The following SEMA5B variants were observed in gnomAD, a reference collection of about 807,000 sequenced individuals.
SEMA5B encodes the protein semaphorin-5B.
SEMA5B carries 66 observed loss-of-function variants against 135.0 expected under a neutral mutation model. The observed-to-expected ratio is 0.49, with a 90% CI of 0.40 to 0.60. The LOEUF (loss-of-function observed/expected upper bound fraction) is 0.60, where lower values mean the gene tolerates loss of function less well. SEMA5B is among the 20% of genes least tolerant of loss of function. The pLI is 0.00. For missense variants in SEMA5B, 1,501 were observed against 1,566.3 expected (o/e 0.96, Z 0.70); for synonymous variants, 690 against 639.5 (o/e 1.08, Z -1.19).
intron 1 of SEMA5B, among the ~76,000 whole-genome samples, chr3:123,002,852 C>T (rs1942214989): frequency 2.0e-5 from 3 of 152,152 alleles, no homozygotes; most frequent in South Asian, 4.1e-4. Flanking sequence ...CAAGTAAACA[C>T]ACAGTCCTTT....
intron 3 of SEMA5B, 41 bp downstream of exon 3, chr3:122,948,465 C>T (rs758785975): frequency 3.5e-5 from 54 of 1,529,982 alleles, no homozygotes; most frequent in Admixed American, 1.9e-4. Context: ...CTTCAGGACA[C>T]GGCCATTGCA....
intron 9 of SEMA5B, among the ~76,000 whole-genome samples, chr3:122,924,036 T>C (rs1938504781): frequency 2.0e-5 from 3 of 150,148 alleles, no homozygotes; most frequent in Non-Finnish European, 4.4e-5. Flanking sequence ...CTTTCAAACA[T>C]TGTAGTCCAT....
At position 122,961,139 on chromosome 3, in the gene SEMA5B, C is replaced by A. The variant is rs761003092; in HGVS notation, c.124+1G>T. The A allele has an allele frequency of 3.1e-6, 5 of 1,610,288 alleles. No homozygotes were observed. The Admixed American group carries it at 5.0e-5, about 16-fold the overall frequency. On this transcript the variant is annotated splice_donor_variant, in intron 2 of 22. Coordinates refer to ENST00000357599, the MANE Select transcript of SEMA5B (RefSeq NM_001031702.4). LOFTEE classifies it high-confidence loss of function. The stretch of plus-strand genomic sequence containing the variant: ...CCCCACACTCCCCTGGGCACACTTA[C>A]CCCTGACCAGTGAGAGAAGCCAGCC...
chr3:123,024,288 A>G (rs756887826), intron 1 of SEMA5B, among the ~76,000 whole-genome samples: 1 of 152,204 alleles, frequency 6.6e-6, no homozygotes, highest in Non-Finnish European at 1.5e-5. Context: ...CTGTTCCTCT[A>G]TCCCCTTGAT....
chr3:123,010,456 G>A (rs903522507), intron 1 of SEMA5B, among the ~76,000 whole-genome samples: 1 of 152,130 alleles, frequency 6.6e-6, no homozygotes, highest in Non-Finnish European at 1.5e-5. Flanking sequence ...GGAAGTTGTG[G>A]CTTCTGGAAG....
At chr3:122,921,101 T>A (rs981984345) in intron 12 of SEMA5B, among the ~76,000 whole-genome samples, 1 of 152,112 alleles carries the variant, frequency 6.6e-6, no homozygotes, top group Admixed American at 6.5e-5. Context: ...CCCTGTATCA[T>A]GGATACCATT....
chr3:123,012,448 C>T (rs1318175606), intron 1 of SEMA5B, among the ~76,000 whole-genome samples: 5 of 152,186 alleles, frequency 3.3e-5, no homozygotes, highest in Non-Finnish European at 5.9e-5. Flanking sequence ...GTGACCAGGG[C>T]AAAGCCATAG....
At chr3:123,012,075 G>A (rs901011877) in intron 1 of SEMA5B, among the ~76,000 whole-genome samples, 3 of 152,190 alleles carry the variant, frequency 2.0e-5, no homozygotes, top group Admixed American at 6.5e-5. Context: ...CGTGGCCTAG[G>A]TTCAAATCCT....
chr3:122,915,833 G>A lies in SEMA5B; in HGVS notation c.1746C>T (p.Cys582=). The change falls in exon 13 of 23, where the codon TGC becomes TGT. Residue 582 remains cysteine (C), a synonymous_variant. Coordinates refer to ENST00000357599, the MANE Select transcript of SEMA5B (RefSeq NM_001031702.4). ...YCGWDGKQQR[C]STLEDSSNMS... is the part of the protein sequence containing the mutation. ...TGTTGGAGCTGTCCTCGAGTGTGCTGCAACGTTGCTGCTTCCCGTCCCAGC... is the reference window on the plus strand; with the variant it reads ...TGTTGGAGCTGTCCTCGAGTGTGCTACAACGTTGCTGCTTCCCGTCCCAGC... The A allele has an allele frequency of 6.2e-7, 1 of 1,614,050 alleles. No individual in the cohort carries two copies. The highest frequency in any genetic ancestry group is 1.3e-5 in the African/African-American group (1 of 74,992).
chr3:122,909,943 T>C lies in SEMA5B; in HGVS notation c.*200A>G, dbSNP rs1937610615. The C allele has an allele frequency of 1.7e-6, 1 of 589,506 alleles. No individual in the cohort carries two copies. 36.5% of individuals were successfully genotyped at this position (589,506 alleles called of 1,614,324 possible). On this transcript the variant is annotated 3_prime_UTR_variant, in exon 23 of 23. Transcript: ENST00000357599. ...CTGGGCTGAACTGGACCTGCGGCCA[T>C]ATGTCAGCCTGAAACCAGCCCTTTC...
chr3:122,984,412 C>G lies in SEMA5B; in HGVS notation c.-38-23111G>C, dbSNP rs143373730. 2.2e-3 allele frequency among the ~76,000 whole-genome samples: 333 copies of G among 152,368 alleles called. 1 individual carries two copies. The highest frequency in any genetic ancestry group is 7.9e-3 in the African/African-American group (328 of 41,592). The stretch of plus-strand genomic sequence containing the variant: ...AGAGCATCTGGGTTTGCCACTAAAA[C>G]CCCCCTTTGCTGTCGCTTGTCAGTC... On this transcript the variant is annotated intron_variant, in intron 1 of 22. Coordinates refer to ENST00000357599, the MANE Select transcript of SEMA5B (RefSeq NM_001031702.4).
rs1377591927 is a variant in SEMA5B at position 122,913,330 on chromosome 3, G to C, written c.2375C>G (p.Ala792Gly). 1 of 1,571,520 alleles carries C rather than the reference G, an allele frequency of 6.4e-7. No homozygotes were observed. The highest frequency in any genetic ancestry group is 8.6e-7 in the Non-Finnish European group (1 of 1,167,198). ...GAAGCGGAACCGCTGCTCCTGCCGT[G>C]CCCCGCCCTGCGTCACGTTCACGGG... ...WLPVNVTQGG[A>G]RQEQRFRFTC... Residue 792 changes from alanine to glycine, a missense_variant, in exon 17 of 23, where the codon GCA (alanine) becomes GGA (glycine). By Grantham distance (60) the Ala-to-Gly change is moderately conservative. Coordinates refer to ENST00000357599, the MANE Select transcript of SEMA5B (RefSeq NM_001031702.4).
chr3:122,914,099 G>T, intron 14 of SEMA5B, 98 bp from the exon 15 acceptor site: 1 of 1,318,808 alleles, frequency 7.6e-7, no homozygotes, highest in Non-Finnish European at 1.0e-6. Context: ...ACTGCTGTCA[G>T]AAAGGGCTGG....
At chr3:122,925,332 A>G (rs1938567283) in intron 9 of SEMA5B, among the ~76,000 whole-genome samples, 1 of 151,768 alleles carries the variant, frequency 6.6e-6, no homozygotes, top group Non-Finnish European at 1.5e-5. Flanking sequence ...CTTGGGCCAC[A>G]CATAAAATAC....
chr3:122,996,365 A>G (rs1288785578), intron 1 of SEMA5B, among the ~76,000 whole-genome samples: 1 of 152,242 alleles, frequency 6.6e-6, no homozygotes, highest in Non-Finnish European at 1.5e-5. Context: ...CTGCTCTAGG[A>G]AACACTGGGC....
chr3:122,918,679 C>A (rs1480224842), intron 12 of SEMA5B, among the ~76,000 whole-genome samples: 2 of 152,210 alleles, frequency 1.3e-5, no homozygotes. Context: ...AAAGAGGATA[C>A]CAGATTCTTC....
Position 122,964,373 on chromosome 3 carries a change from T to C in SEMA5B, c.-38-3072A>G, listed in dbSNP as rs572898149. On this transcript the variant is annotated intron_variant, in intron 1 of 22. Coordinates refer to ENST00000357599, the MANE Select transcript of SEMA5B (RefSeq NM_001031702.4). ...TGGGAGGACACACGTTTCTTCTGGG[T>C]AGGACAGCTACCAGCTACGCAGCTC... is the stretch of plus-strand genomic sequence containing the variant. 1.4e-3 allele frequency among the ~76,000 whole-genome samples: 210 copies of C among 152,286 alleles called. 2 individuals are homozygous for C. Among genetic ancestry groups the C allele is most frequent in the Non-Finnish European group, 2.4e-3 (161 of 68,014 alleles).
In SEMA5B at chr3:122,961,226, T is replaced by A; in HGVS notation, c.38A>T (p.His13Leu). The A allele has an allele frequency of 6.2e-7, 1 of 1,613,772 alleles. No homozygotes were observed. The highest frequency in any genetic ancestry group is 2.2e-5 in the East Asian group (1 of 44,858). The change falls in exon 2 of 23, where the codon CAC becomes CTC. Residue 13 changes from histidine to leucine, a missense_variant. By Grantham distance (99) the His-to-Leu change is moderately conservative (BLOSUM62 -3). Around this residue, in one of 2 missense-constraint regions of SEMA5B, gnomAD observed 574 missense variants for 684.7 expected, o/e 0.84. Coordinates refer to ENST00000357599, the MANE Select transcript of SEMA5B (RefSeq NM_001031702.4). ...CGFSPSPVAHHLVPGPPDTPA... is the reference protein window; with the variant it reads ...CGFSPSPVAHLLVPGPPDTPA... ...GGTATCAGGCGGCCCAGGGACGAGGTGGTGGGCAACAGGAGACGGACTGAA... is the reference window on the plus strand; with the variant it reads ...GGTATCAGGCGGCCCAGGGACGAGGAGGTGGGCAACAGGAGACGGACTGAA...
chr3:122,966,880 A>AT (rs2107628875), intron 1 of SEMA5B, among the ~76,000 whole-genome samples: 1 of 139,518 alleles, frequency 7.2e-6, no homozygotes, highest in Admixed American at 7.3e-5. Context: ...TATTATTATT[A>AT]TTATTATTAT....
Sources: gnomAD v4.1 joint callset for allele counts (sites outside exome capture counted in the v4.1 genomes callset) on GRCh38, gnomAD v4.1.1 for gene constraint, gnomAD v4.1.1 regional missense constraint, MANE v1.5 for transcripts, NCBI Gene and HGNC (gene_info 2026-07-23, HGNC 2026-07-21) for gene names.